The following SGCZ variants were observed in gnomAD, a reference collection of about 807,000 sequenced individuals.
SGCZ encodes sarcoglycan zeta.
SGCZ carries 40 observed loss-of-function variants against 41.3 expected under a neutral mutation model. That is an observed-to-expected ratio of 0.97 (90% confidence interval 0.75 to 1.26). SGCZ has a LOEUF of 1.26. Ranked by LOEUF, SGCZ falls within the 50% of genes most tolerant of loss-of-function variation. The pLI is 0.00. For synonymous variants in SGCZ, 206 were observed against 137.5 expected (o/e 1.50, Z -3.49); for missense variants, 552 against 369.8 (o/e 1.49, Z -4.04).
intron 1 of SGCZ, among the ~76,000 whole-genome samples, chr8:14,709,326 A>G (rs910471104): frequency 6.6e-6 from 1 of 152,172 alleles, no homozygotes; most frequent in Non-Finnish European, 1.5e-5. Context: ...AACCCAGAGA[A>G]AGCTACATGC....
At chr8:15,006,488 A>T (rs1802609089) in intron 1 of SGCZ, among the ~76,000 whole-genome samples, 1 of 152,208 alleles carries the variant, frequency 6.6e-6, no homozygotes, top group South Asian at 2.1e-4. Context: ...TGTTTAGACA[A>T]TTTTGAATTT....
intron 4 of SGCZ, among the ~76,000 whole-genome samples, chr8:14,209,442 C>A (rs1336908350): frequency 1.3e-5 from 2 of 151,962 alleles, no homozygotes. Context: ...TGGGTATATA[C>A]CCCAGACAAC....
At chr8:14,849,833 T>A (rs535232211) in intron 1 of SGCZ, among the ~76,000 whole-genome samples, 1 of 152,328 alleles carries the variant, frequency 6.6e-6, no homozygotes, top group East Asian at 1.9e-4. Flanking sequence ...AAATTCAAAT[T>A]GGAAATTATA....
intron 2 of SGCZ, among the ~76,000 whole-genome samples, chr8:14,466,871 T>C (rs1204540708): frequency 1.3e-5 from 2 of 151,914 alleles, no homozygotes; most frequent in African/African-American, 2.4e-5. Context: ...ATTTTCTCTA[T>C]GTCTTCCTTT....
chr8:14,785,024 T>C (rs1390310096), intron 1 of SGCZ, among the ~76,000 whole-genome samples: 2 of 146,214 alleles, frequency 1.4e-5, no homozygotes, highest in South Asian at 2.1e-4. Context: ...GCAGAAAATC[T>C]GATCAAGAAA....
Position 14,725,054 on chromosome 8 carries a change from A to G in SGCZ, c.40-170128T>C, listed in dbSNP as rs974662075. Among the ~76,000 whole-genome samples the G allele has an allele frequency of 2.0e-5, 3 of 152,180 alleles. No individual in the cohort carries two copies. The East Asian group carries it at 5.8e-4, about 29-fold the overall frequency. Reference sequence around the variant, plus strand: ...CATCATTCTACTCTCTATCTCCATGAGGTCAACTTTTTTAGCTCCCACATA... The same window carrying G: ...CATCATTCTACTCTCTATCTCCATGGGGTCAACTTTTTTAGCTCCCACATA... On this transcript the variant is annotated intron_variant, in intron 1 of 7. Coordinates refer to ENST00000382080, the MANE Select transcript of SGCZ (RefSeq NM_139167.4).
chr8:15,235,336 C>T (rs1408736783), intron 1 of SGCZ, among the ~76,000 whole-genome samples: 2 of 152,204 alleles, frequency 1.3e-5, no homozygotes, highest in Non-Finnish European at 2.9e-5. Flanking sequence ...ACTGGAGGAT[C>T]TCAAACATTT....
chr8:14,239,901 CAAAAAAAAAAAAAAAAAAAAAAAAAA>C (rs71209029), intron 3 of SGCZ, among the ~76,000 whole-genome samples: 1 of 41,364 alleles, frequency 2.4e-5, no homozygotes. Context: ...GACTCCGTCT[CAAAAAAAAAAAAAAAAAAAAAAAAAA>C]AAAAAAAAAG....
At chr8:14,755,084 T>A (rs989483731) in intron 1 of SGCZ, among the ~76,000 whole-genome samples, 2 of 152,148 alleles carry the variant, frequency 1.3e-5, no homozygotes, top group African/African-American at 2.4e-5. Context: ...GTCTTATTCA[T>A]GTTGTTTATT....
chr8:14,717,793 T>A (rs900486440), intron 1 of SGCZ, among the ~76,000 whole-genome samples: 15 of 152,132 alleles, frequency 9.9e-5, no homozygotes, highest in Non-Finnish European at 1.8e-4. Flanking sequence ...GAAAAAGGGA[T>A]AACTTACATT....
chr8:14,246,841 C>A lies in SGCZ; in HGVS notation c.337-9162G>T, dbSNP rs182328212. On this transcript the variant is annotated intron_variant, in intron 3 of 7. Coordinates refer to ENST00000382080, the MANE Select transcript of SGCZ (RefSeq NM_139167.4). ...AGTAGAATGGCATGAACCCGGGAGG[C>A]AGAGCTTGCAGTGAGCCGAGATCGC... Among the ~76,000 whole-genome samples the A allele has an allele frequency of 2.2e-3, 306 of 138,584 alleles. 1 individual carries two copies. Among genetic ancestry groups the A allele is most frequent in the African/African-American group, 6.9e-3 (254 of 36,794 alleles). The allele number at this position is 138,584 out of a possible 152,430, so 90.9% of individuals were successfully genotyped here.
At chr8:14,091,315 A>T (rs1189055278) in intron 7 of SGCZ, among the ~76,000 whole-genome samples, 1 of 151,924 alleles carries the variant, frequency 6.6e-6, no homozygotes, top group Non-Finnish European at 1.5e-5. Context: ...ATGTGTCTTT[A>T]TAGTAGAATG....
intron 1 of SGCZ, among the ~76,000 whole-genome samples, chr8:14,651,764 C>G (rs10098420): frequency 0.16 from 24,061 of 152,014 alleles, 2,280 homozygotes; most frequent in Admixed American, 0.23. Context: ...TATTGTGTTT[C>G]TACCCCATAA....
At chr8:14,774,800 G>C (rs1800350244) in intron 1 of SGCZ, among the ~76,000 whole-genome samples, 1 of 152,158 alleles carries the variant, frequency 6.6e-6, no homozygotes, top group African/African-American at 2.4e-5. Flanking sequence ...CCTTTCAAAA[G>C]GTTCTCTGTT....
chr8:14,425,678 G>A (rs1018057467), intron 2 of SGCZ, among the ~76,000 whole-genome samples: 3 of 151,824 alleles, frequency 2.0e-5, no homozygotes, highest in Non-Finnish European at 4.4e-5. Flanking sequence ...ATGTATTACA[G>A]ATCATGTTTT....
chr8:14,916,663 T>C (rs1799447460), intron 1 of SGCZ, among the ~76,000 whole-genome samples: 1 of 152,202 alleles, frequency 6.6e-6, no homozygotes, highest in Non-Finnish European at 1.5e-5. Flanking sequence ...GATTCCATTA[T>C]GTGTGATGGC....
intron 1 of SGCZ, among the ~76,000 whole-genome samples, chr8:15,159,155 T>C (rs1279107247): frequency 6.6e-6 from 1 of 152,064 alleles, no homozygotes; most frequent in African/African-American, 2.4e-5. Flanking sequence ...CATGCCTAGG[T>C]AATGAGGCCT....
intron 2 of SGCZ, among the ~76,000 whole-genome samples, chr8:14,538,636 C>A (rs755421258): frequency 1.3e-5 from 2 of 151,938 alleles, no homozygotes; most frequent in Non-Finnish European, 2.9e-5. Flanking sequence ...AAGCATAACA[C>A]AATAAGGCCT....
chr8:14,203,240 T>C (rs1298859878), intron 4 of SGCZ, among the ~76,000 whole-genome samples: 2 of 152,186 alleles, frequency 1.3e-5, no homozygotes, highest in Non-Finnish European at 2.9e-5. Flanking sequence ...TAACTTTCAA[T>C]CTATAAAGAC....
Sources: gnomAD v4.1 joint callset for allele counts (sites outside exome capture counted in the v4.1 genomes callset) on GRCh38, gnomAD v4.1.1 for gene constraint, MANE v1.5 for transcripts, NCBI Gene and HGNC (gene_info 2026-07-23, HGNC 2026-07-21) for gene names.